Variants in AQP11 observed in about 807,000 individuals in gnomAD.
The protein encoded by AQP11 is aquaporin 11, also known as aquaporin-11.
In AQP11, 20 loss-of-function variants were observed where a neutral mutation model predicts 21.1. The observed-to-expected ratio is 0.95, with a 90% CI of 0.67 to 1.38. The LOEUF is 1.38. Ranked by LOEUF, AQP11 falls within the 40% of genes most tolerant of loss-of-function variation. The pLI is 0.00. For missense variants in AQP11, 339 were observed against 340.4 expected, an observed-to-expected ratio of 1.00 and a Z score of 0.03; for synonymous variants, 167 against 150.1, an observed-to-expected ratio of 1.11 and a Z score of -0.82.
chr11:77,589,977 A>T lies in AQP11; in HGVS notation c.-16A>T, dbSNP rs1958734035. 6.8e-7 allele frequency: 1 copy of T among 1,464,088 alleles called. No individual in the cohort carries two copies. Among genetic ancestry groups the T allele is most frequent in the African/African-American group, 1.4e-5 (1 of 69,542 alleles). 90.7% of individuals were successfully genotyped at this position (1,464,088 alleles called of 1,614,324 possible). On this transcript the variant is annotated 5_prime_UTR_variant, in exon 1 of 3. Coordinates refer to ENST00000313578, the MANE Select transcript of AQP11 (RefSeq NM_173039.3). The stretch of plus-strand genomic sequence containing the variant: ...CAGAGCCGGAGCCCGCAACCCGCTC[A>T]GGCGGCGACGGAGCCATGTCGCCGC...
chr11:77,591,219 GA>G (rs990878064), intron 1 of AQP11: 53 of 949,750 alleles, frequency 5.6e-5, no homozygotes, highest in Non-Finnish European at 6.6e-5. Context: ...ATGTTTAAAT[GA>G]TAACTTGCTT....
chr11:77,599,217 A>T (rs1958800952), intron 1 of AQP11, among the ~76,000 whole-genome samples: 1 of 150,216 alleles, frequency 6.7e-6, no homozygotes, highest in Non-Finnish European at 1.5e-5. Context: ...TTGCCCCCGG[A>T]GTAGCTGGGA....
intron 1 of AQP11, among the ~76,000 whole-genome samples, chr11:77,599,647 C>G (rs549950243): frequency 6.6e-6 from 1 of 151,256 alleles, no homozygotes; most frequent in Non-Finnish European, 1.5e-5. Flanking sequence ...CAGGCTGGAG[C>G]GCAGTGGTGC....
At chr11:77,604,267 C>T (rs1958831786) in intron 2 of AQP11, among the ~76,000 whole-genome samples, 1 of 152,108 alleles carries the variant, frequency 6.6e-6, no homozygotes. Context: ...AGGCATGTGC[C>T]ACCACACCCG....
chr11:77,605,538 G>A (rs1958841081), intron 2 of AQP11, among the ~76,000 whole-genome samples: 1 of 152,018 alleles, frequency 6.6e-6, no homozygotes, highest in African/African-American at 2.4e-5. Flanking sequence ...ATTCTCATAG[G>A]AACGTGAACC....
At chr11:77,606,712 A>G (rs1012027865) in intron 2 of AQP11, among the ~76,000 whole-genome samples, 5 of 152,046 alleles carry the variant, frequency 3.3e-5, no homozygotes, top group Admixed American at 2.6e-4. Context: ...CACCCAGCTA[A>G]GTTTTGTATT....
intron 1 of AQP11, among the ~76,000 whole-genome samples, chr11:77,600,301 T>C (rs1393371285): frequency 1.3e-5 from 2 of 152,090 alleles, no homozygotes; most frequent in African/African-American, 2.4e-5. Context: ...TATTATTGTA[T>C]ATGCGTATAC....
intron 1 of AQP11, among the ~76,000 whole-genome samples, chr11:77,594,877 C>T (rs1214700545): frequency 6.6e-6 from 1 of 151,290 alleles, no homozygotes; most frequent in Non-Finnish European, 1.5e-5. Context: ...TTAACTGGCT[C>T]CCCTAATCGT....
At chr11:77,596,048 T>G (rs916895272) in intron 1 of AQP11, among the ~76,000 whole-genome samples, 7 of 151,906 alleles carry the variant, frequency 4.6e-5, no homozygotes. Context: ...AAAATTTATT[T>G]TGTTATGCCA....
rs1290262002 is a variant in AQP11, at chr11:77,609,844, G to A, written c.*467G>A. Reference sequence around the variant, plus strand: ...CCACCTCACAAAATGATACCATCAAGCAGTGTCATCTTTCAACAGGAAAGT... The same window carrying A: ...CCACCTCACAAAATGATACCATCAAACAGTGTCATCTTTCAACAGGAAAGT... On this transcript the variant is annotated 3_prime_UTR_variant, in exon 3 of 3. Transcript: ENST00000313578. The A allele has an allele frequency of 6.6e-6, 1 of 152,346 alleles. No homozygotes were observed. The highest frequency in any genetic ancestry group is 1.5e-5 in the Non-Finnish European group (1 of 68,172). 9.4% of individuals were successfully genotyped at this position (152,346 alleles called of 1,614,324 possible). A position where few individuals can be genotyped will look rare whatever the true frequency, so the allele number is the denominator to read the frequency against.
At position 77,590,488 on chromosome 11, in the gene AQP11, G is replaced by A; in HGVS notation, c.496G>A (p.Ala166Thr). 6.2e-7 allele frequency: 1 copy of A among 1,614,174 alleles called. No homozygotes were observed. Among genetic ancestry groups the A allele is most frequent in the South Asian group, 1.1e-5 (1 of 91,082 alleles). The change falls in exon 1 of 3, where the codon GCG (alanine) becomes ACG (threonine). Residue 166 changes from alanine to threonine, a missense_variant. Ala to Thr is a moderately conservative substitution (Grantham distance 58, BLOSUM62 0). Transcript: ENST00000313578. ...KNPIRVDLLK[A>T]VITEAVCSFL... is the part of the protein sequence containing the mutation. ...TCCCATCCGAGTCGACTTGCTCAAA[G>A]CGGTCATCACAGAGGCCGTCTGCTC...
At chr11:77,605,529 T>G (rs187249641) in intron 2 of AQP11, among the ~76,000 whole-genome samples, 370 of 152,110 alleles carry the variant, frequency 2.4e-3, no homozygotes, top group African/African-American at 8.4e-3. Context: ...TGGCATTAGA[T>G]TCTCATAGGA....
Position 77,590,416 on chromosome 11 carries a change from G to T in AQP11, c.424G>T (p.Gly142Cys). The T allele has an allele frequency of 6.2e-7, 1 of 1,614,006 alleles. No homozygotes were observed. Among genetic ancestry groups the T allele is most frequent in the Non-Finnish European group, 8.5e-7 (1 of 1,180,010 alleles). ...RYCTSALWSL[G>C]LTQYHVSERS... is the part of the protein sequence containing the mutation. Reference sequence around the variant, plus strand: ...CTGCACAAGCGCCTTGTGGAGCTTGGGTCTGACCCAGTATCACGTCAGCGA... The same window carrying T: ...CTGCACAAGCGCCTTGTGGAGCTTGTGTCTGACCCAGTATCACGTCAGCGA... The change falls in exon 1 of 3, where the codon GGT (glycine) becomes TGT (cysteine). Residue 142 changes from glycine (G) to cysteine (C), a missense_variant. Transcript: ENST00000313578.
chr11:77,603,990 G>C (rs1317007307), intron 2 of AQP11, among the ~76,000 whole-genome samples: 1 of 151,724 alleles, frequency 6.6e-6, no homozygotes, highest in Non-Finnish European at 1.5e-5. Context: ...GTGAGCTCCA[G>C]ATAAAGTATC....
intron 1 of AQP11, among the ~76,000 whole-genome samples, chr11:77,600,894 C>T (rs1248340115): frequency 1.3e-5 from 2 of 151,990 alleles, no homozygotes; most frequent in East Asian, 1.9e-4. Flanking sequence ...CGCCTGTAGT[C>T]CCAGCTACTC....
chr11:77,596,616 C>T (rs1007531983), intron 1 of AQP11, among the ~76,000 whole-genome samples: 1 of 138,876 alleles, frequency 7.2e-6, no homozygotes, highest in Admixed American at 7.8e-5. Context: ...ATCCCAGGAC[C>T]GGGACGTCAA....
chr11:77,590,564 T>G lies in AQP11; in HGVS notation c.572T>G (p.Leu191Arg), dbSNP rs1173292943. 8.1e-6 allele frequency: 13 copies of G among 1,614,086 alleles called. No individual in the cohort carries two copies. Among genetic ancestry groups the G allele is most frequent in the Non-Finnish European group, 1.0e-5 (12 of 1,180,046 alleles). ...LLHFQEVRTK[L>R]RIHLLAALIT... ...CACTTCCAGGAAGTCCGAACCAAGC[T>G]TCGTATCCACCTGCTGGCTGCACTC... The change falls in exon 1 of 3, where the codon CTT becomes CGT. Residue 191 changes from leucine to arginine, a missense_variant. Leu to Arg is a moderately radical substitution (Grantham distance 102). Transcript: ENST00000313578.
In AQP11 at chr11:77,590,546, AG is replaced by A. The variant is rs746563963; in HGVS notation, c.556del (p.Glu186LysfsTer25). 26 of 1,614,040 alleles carry A rather than the reference AG, an allele frequency of 1.6e-5. No individual in the cohort carries two copies. The highest frequency in any genetic ancestry group is 3.3e-5 in the South Asian group (3 of 91,082). On this transcript the variant is annotated frameshift_variant, in exon 1 of 3. Coordinates refer to ENST00000313578, the MANE Select transcript of AQP11 (RefSeq NM_173039.3). LOFTEE classifies it high-confidence loss of function. The stretch of plus-strand genomic sequence containing the variant: ...TTCCACAGCGCTCTGCTGCACTTCC[AG>A]GAAGTCCGAACCAAGCTTCGTATCC... ...FLFHSALLHF[Q>X]EVRTKLRIHL...
chr11:77,606,342 A>T (rs375452198), intron 2 of AQP11, among the ~76,000 whole-genome samples: 2 of 152,194 alleles, frequency 1.3e-5, no homozygotes. Flanking sequence ...CTCACGATAG[A>T]TAAAAAAGGA....
Sources: gnomAD v4.1 joint callset for allele counts (sites outside exome capture counted in the v4.1 genomes callset) on GRCh38, gnomAD v4.1.1 for gene constraint, MANE v1.5 for transcripts, NCBI Gene and HGNC (gene_info 2026-07-23, HGNC 2026-07-21) for gene names.